The following DNAH6 variants were observed in gnomAD, a reference collection of about 807,000 sequenced individuals.
DNAH6 encodes axonemal beta dynein heavy chain 6.
A neutral mutation model predicts 491.4 loss-of-function variants in DNAH6; 340 were observed. The ratio of observed to expected loss-of-function variants is 0.69; its 90% CI spans 0.63 to 0.76. The LOEUF is 0.76. DNAH6 is among the 30% of genes least tolerant of loss of function. DNAH6 has a pLI of 0.00. For missense variants in DNAH6, 4,443 were observed against 4,972.2 expected (o/e 0.89, Z 3.20); for synonymous variants, 1,603 against 1,686.1 (o/e 0.95, Z 1.21).
the DNAH6 span, among the ~76,000 whole-genome samples, chr2:84,491,065 G>C: frequency 1.6e-4 from 24 of 152,110 alleles, no homozygotes; most frequent in Non-Finnish European, 3.4e-4. Context: ...AAATAAGGTA[G>C]CTATAAAACA....
chr2:84,726,703 A>G (rs1383502158), intron 60 of DNAH6, among the ~76,000 whole-genome samples: 2 of 152,276 alleles, frequency 1.3e-5, no homozygotes, highest in East Asian at 3.9e-4. Context: ...CAGCACACCA[A>G]CATGGCACAT....
At chr2:84,713,042 A>G (rs906693465) in intron 56 of DNAH6, 53 bp from the exon 57 acceptor site, 63 of 1,471,202 alleles carry the variant, frequency 4.3e-5, no homozygotes, top group Non-Finnish European at 5.6e-5. Context: ...AGTTCATGCT[A>G]TCCATTTTAA....
chr2:84,557,949 G>T lies in DNAH6; in HGVS notation c.1803+14G>T. 1.3e-6 allele frequency: 2 copies of T among 1,518,124 alleles called. No individual in the cohort carries two copies. Among genetic ancestry groups the T allele is most frequent in the South Asian group, 2.3e-5 (2 of 85,622 alleles). 94.0% of individuals were successfully genotyped at this position (1,518,124 alleles called of 1,614,324 possible). On this transcript the variant is annotated intron_variant, in intron 11 of 76. Transcript: ENST00000389394. Reference sequence around the variant, plus strand: ...TCTCAAATAAAGGTATGTTTACTCTGACTAAAACTATTCTATAATATTCTC... The same window carrying T: ...TCTCAAATAAAGGTATGTTTACTCTTACTAAAACTATTCTATAATATTCTC...
At position 84,570,619 on chromosome 2, in the gene DNAH6, C is replaced by T. The variant is rs546712247; in HGVS notation, c.1804-2848C>T. On this transcript the variant is annotated intron_variant, in intron 11 of 76. Transcript: ENST00000389394. ...TACTCTGTGAAAACACACCAATCAGCGCTCTGTCTCTAGCTAAAGGATTGT... is the reference window on the plus strand; with the variant it reads ...TACTCTGTGAAAACACACCAATCAGTGCTCTGTCTCTAGCTAAAGGATTGT... Among the ~76,000 whole-genome samples the T allele has an allele frequency of 8.5e-5, 13 of 152,114 alleles. No individual in the cohort carries two copies. The East Asian group carries it at 1.5e-3, about 18-fold the overall frequency.
chr2:84,752,429 A>G (rs1254724015), intron 63 of DNAH6, among the ~76,000 whole-genome samples: 1 of 152,192 alleles, frequency 6.6e-6, no homozygotes, highest in Non-Finnish European at 1.5e-5. Context: ...ATACTCTTTG[A>G]TCATGTGTAG....
At chr2:84,672,569 A>G (rs988732980) in intron 40 of DNAH6, 85 bp downstream of exon 40, 2 of 1,250,422 alleles carry the variant, frequency 1.6e-6, no homozygotes, top group African/African-American at 3.0e-5. Context: ...CTACCATAAC[A>G]AAGTACCACA....
chr2:84,562,793 G>A (rs994006992), intron 11 of DNAH6, among the ~76,000 whole-genome samples: 6 of 152,206 alleles, frequency 3.9e-5, no homozygotes, highest in Admixed American at 2.0e-4. Context: ...TAGCAGGGAA[G>A]CTCATTAGGG....
At chr2:84,564,469 T>A (rs1456456080) in intron 11 of DNAH6, among the ~76,000 whole-genome samples, 4 of 152,190 alleles carry the variant, frequency 2.6e-5, no homozygotes, top group Non-Finnish European at 5.9e-5. Flanking sequence ...GGGATTGAGT[T>A]ATTGATTTGA....
At chr2:84,813,739 C>G (rs904061823) in intron 74 of DNAH6, among the ~76,000 whole-genome samples, 1 of 152,188 alleles carries the variant, frequency 6.6e-6, no homozygotes, top group Non-Finnish European at 1.5e-5. Context: ...GGCCTTCCCT[C>G]CCTTCCCAGC....
intron 76 of DNAH6, among the ~76,000 whole-genome samples, chr2:84,818,548 C>T (rs1364960760): frequency 6.7e-6 from 1 of 150,002 alleles, no homozygotes; most frequent in Non-Finnish European, 1.5e-5. Context: ...TGTAGTCACG[C>T]CTCTAGATCT....
At chr2:84,507,351 G>T in the DNAH6 span, among the ~76,000 whole-genome samples, 1 of 152,198 alleles carries the variant, frequency 6.6e-6, no homozygotes. Context: ...GTTCACTCAA[G>T]ATTTGGCTCT....
At chr2:84,711,309 G>A (rs1697024984) in intron 56 of DNAH6, among the ~76,000 whole-genome samples, 1 of 152,224 alleles carries the variant, frequency 6.6e-6, no homozygotes, top group Non-Finnish European at 1.5e-5. Context: ...GGGCACAAAA[G>A]AGATTGGTTA....
chr2:84,809,541 A>G (rs1370314118), intron 72 of DNAH6, among the ~76,000 whole-genome samples: 2 of 152,190 alleles, frequency 1.3e-5, no homozygotes, highest in Non-Finnish European at 2.9e-5. Context: ...TCAGGTCACC[A>G]GGTCAGGGCT....
At chr2:84,678,237 C>T (rs548338222) in intron 41 of DNAH6, among the ~76,000 whole-genome samples, 32 of 152,146 alleles carry the variant, frequency 2.1e-4, no homozygotes, top group East Asian at 7.7e-4. Flanking sequence ...GAAAAACTTT[C>T]GGAGAGTGCT....
intron 59 of DNAH6, among the ~76,000 whole-genome samples, chr2:84,718,670 G>C (rs1353641855): frequency 6.6e-6 from 1 of 152,206 alleles, no homozygotes; most frequent in Non-Finnish European, 1.5e-5. Context: ...ACTTTCATAT[G>C]AATGCCATCA....
intron 41 of DNAH6, among the ~76,000 whole-genome samples, chr2:84,677,641 A>T (rs112828936): frequency 2.0e-5 from 3 of 152,184 alleles, no homozygotes; most frequent in Admixed American, 2.0e-4. Context: ...TCACTTCCCT[A>T]ATAGGCTACT....
At chr2:84,477,127 A>G in the DNAH6 span, among the ~76,000 whole-genome samples, 1 of 152,196 alleles carries the variant, frequency 6.6e-6, no homozygotes, top group Non-Finnish European at 1.5e-5. Context: ...GGGCCATTGC[A>G]ATTGTGGAGG....
rs267599476 is a variant in DNAH6 at position 84,625,011 on chromosome 2, C to G, written c.4463C>G (p.Ala1488Gly). Residue 1488 changes from alanine to glycine, a missense_variant, in exon 29 of 77, where the codon GCT (alanine) becomes GGT (glycine). Transcript: ENST00000389394. ...KTETTKDLAK[A>G]LAIQCVVFNC... Reference sequence around the variant, plus strand: ...GAGACTACCAAAGATCTGGCAAAAGCTCTTGCCATCCAGTGTGTGGTCTTT... The same window carrying G: ...GAGACTACCAAAGATCTGGCAAAAGGTCTTGCCATCCAGTGTGTGGTCTTT... 1 of 1,551,446 alleles carries G rather than the reference C, an allele frequency of 6.4e-7. No individual in the cohort carries two copies. Among genetic ancestry groups the G allele is most frequent in the Admixed American group, 2.0e-5 (1 of 50,964 alleles).
intron 29 of DNAH6, among the ~76,000 whole-genome samples, chr2:84,631,271 TCC>T (rs1285300921): frequency 6.6e-6 from 1 of 151,812 alleles, no homozygotes; most frequent in African/African-American, 2.4e-5. Flanking sequence ...TAATCTAATA[TCC>T]CCCTCTCCAG....
Sources: gnomAD v4.1 joint callset for allele counts (sites outside exome capture counted in the v4.1 genomes callset) on GRCh38, gnomAD v4.1.1 for gene constraint, MANE v1.5 for transcripts, NCBI Gene and HGNC (gene_info 2026-07-23, HGNC 2026-07-21) for gene names.